The following TMX3 variants were observed in gnomAD, a reference collection of about 807,000 sequenced individuals.
The protein encoded by TMX3 is thioredoxin related transmembrane protein 3.
Under a neutral mutation model 64.4 loss-of-function variants are expected in TMX3, and 40 were observed. The ratio of observed to expected loss-of-function variants is 0.62; its 90% CI spans 0.48 to 0.81. TMX3 has a LOEUF of 0.81. Among genes scored for constraint, TMX3 ranks in the 30% least tolerant of loss-of-function variants. TMX3 has a pLI of 0.00. For missense variants in TMX3, 497 were observed against 534.5 expected, an observed-to-expected ratio of 0.93 and a Z score of 0.69; for synonymous variants, 189 against 175.7, an observed-to-expected ratio of 1.08 and a Z score of -0.60.
intron 3 of TMX3, among the ~76,000 whole-genome samples, chr18:68,710,811 A>G (rs1164055110): frequency 6.6e-6 from 1 of 152,226 alleles, no homozygotes; most frequent in Non-Finnish European, 1.5e-5. Context: ...GAAAAGGAGA[A>G]ATAATTAAAC....
chr18:68,678,854 A>C (rs1285467533), intron 15 of TMX3, among the ~76,000 whole-genome samples: 1 of 152,086 alleles, frequency 6.6e-6, no homozygotes, highest in Non-Finnish European at 1.5e-5. Context: ...CACTGTTAGA[A>C]AGGATTTGAT....
At chr18:68,696,010 C>T (rs918154544) in intron 8 of TMX3, among the ~76,000 whole-genome samples, 41 of 152,200 alleles carry the variant, frequency 2.7e-4, no homozygotes, top group African/African-American at 9.4e-4. Flanking sequence ...TCGTTTCTGG[C>T]GTATTGTATC....
At chr18:68,697,870 T>C (rs777716806) in intron 7 of TMX3, 62 bp downstream of exon 7, 9 of 1,070,482 alleles carry the variant, frequency 8.4e-6, no homozygotes, top group East Asian at 2.5e-5. Context: ...TAGTGAAGTC[T>C]TGATTATAGA....
At chr18:68,698,219 T>C (rs1915306845) in intron 6 of TMX3, among the ~76,000 whole-genome samples, 188 bp from the exon 7 acceptor site, 1 of 152,188 alleles carries the variant, frequency 6.6e-6, no homozygotes, top group Non-Finnish European at 1.5e-5. Flanking sequence ...TGCACATACA[T>C]AAAAGGTTAA....
chr18:68,701,005 G>A (rs2030005985), intron 5 of TMX3: 2 of 985,006 alleles, frequency 2.0e-6, no homozygotes, highest in Non-Finnish European at 1.2e-6. Context: ...TAATCTGTGT[G>A]CCTAATTAAC....
intron 15 of TMX3, among the ~76,000 whole-genome samples, chr18:68,678,631 T>TA (rs1447462093): frequency 1.3e-5 from 2 of 151,964 alleles, no homozygotes; most frequent in African/African-American, 4.8e-5. Flanking sequence ...ATTAGTTTGA[T>TA]AGAGTGAAAG....
At position 68,676,697 on chromosome 18, in the gene TMX3, C is replaced by T. The variant is rs1370669477; in HGVS notation, c.*236G>A. ...AAATAGAATTGTTCTGTTCTAATCA[C>T]AAAGATCAGGTAAATTTTGATGGAG... On this transcript the variant is annotated 3_prime_UTR_variant, in exon 16 of 16. Transcript: ENST00000299608. The T allele has an allele frequency of 5.7e-6, 3 of 530,542 alleles. No homozygotes were observed. Among genetic ancestry groups the T allele is most frequent in the Non-Finnish European group, 1.0e-5 (3 of 301,122 alleles). 32.9% of individuals were successfully genotyped at this position (530,542 alleles called of 1,614,324 possible). A position where few individuals can be genotyped will look rare whatever the true frequency, so the allele number is the denominator to read the frequency against.
At chr18:68,684,789 T>C (rs903861119) in intron 10 of TMX3, among the ~76,000 whole-genome samples, 7 of 152,202 alleles carry the variant, frequency 4.6e-5, no homozygotes, top group African/African-American at 1.7e-4. Flanking sequence ...GCTTGAATTG[T>C]ATTTTTTCCT....
chr18:68,714,950 C>T lies in TMX3; in HGVS notation c.32G>A (p.Arg11Gln). MAAWKSWTAL[R>Q]LCATVVVLDM... is the part of the protein sequence containing the mutation. ...GCCCCCATTACCTGTGGCGCAGAGCCGCAGGGCCGTCCAACTCTTCCACGC... is the reference window on the plus strand; with the variant it reads ...GCCCCCATTACCTGTGGCGCAGAGCTGCAGGGCCGTCCAACTCTTCCACGC... Residue 11 changes from arginine (R) to glutamine (Q), a missense_variant, in exon 1 of 16, where the codon CGG becomes CAG. By Grantham distance (43) the Arg-to-Gln change is conservative (BLOSUM62 1). Around this residue, in one of 3 missense-constraint regions of TMX3, gnomAD observed 360 missense variants for 383.5 expected, o/e 0.94. Transcript: ENST00000299608. The T allele has an allele frequency of 6.4e-7, 1 of 1,570,732 alleles. No individual in the cohort carries two copies. Among genetic ancestry groups the T allele is most frequent in the Non-Finnish European group, 8.6e-7 (1 of 1,158,774 alleles).
Position 68,713,832 on chromosome 18 carries a change from A to G in TMX3, c.101+14T>C. On this transcript the variant is annotated intron_variant, in intron 2 of 15. Transcript: ENST00000299608. ...AGTTAAAATAATATTTTAAATATATATATGTATACTCACGATTCATCTAAA... is the reference window on the plus strand; with the variant it reads ...AGTTAAAATAATATTTTAAATATATGTATGTATACTCACGATTCATCTAAA... The G allele has an allele frequency of 7.6e-7, 1 of 1,314,910 alleles. No homozygotes were observed. The highest frequency in any genetic ancestry group is 1.4e-5 in the South Asian group (1 of 70,440). 81.5% of individuals were successfully genotyped at this position (1,314,910 alleles called of 1,614,324 possible). A position where few individuals can be genotyped will look rare whatever the true frequency, so the allele number is the denominator to read the frequency against.
chr18:68,712,483 A>T lies in TMX3; in HGVS notation c.102-1080T>A, dbSNP rs905111804. On this transcript the variant is annotated intron_variant, in intron 2 of 15. Coordinates refer to ENST00000299608, the MANE Select transcript of TMX3 (RefSeq NM_019022.5). ...GTGGATCCCGGAGGCAACTGGTTGCACATCTGCTTGCTCTGGAGCAAGGAA... is the reference window on the plus strand; with the variant it reads ...GTGGATCCCGGAGGCAACTGGTTGCTCATCTGCTTGCTCTGGAGCAAGGAA... 2.6e-5 allele frequency among the ~76,000 whole-genome samples: 4 copies of T among 152,290 alleles called. No homozygotes were observed. The East Asian group carries it at 5.8e-4, about 22-fold the overall frequency.
chr18:68,684,533 A>G (rs1296182102), intron 10 of TMX3, 48 bp from the exon 11 acceptor site: 1 of 1,503,308 alleles, frequency 6.7e-7, no homozygotes, highest in Non-Finnish European at 9.2e-7. Flanking sequence ...TTATTACACA[A>G]ACTGTTCAAT....
intron 4 of TMX3, chr18:68,706,427 T>C (rs986050872): frequency 1.3e-4 from 19 of 151,318 alleles, no homozygotes; most frequent in Non-Finnish European, 1.6e-4. Context: ...AATAAAGAAA[T>C]AAAGAAATAA....
Position 68,713,920 on chromosome 18 carries a change from T to C in TMX3, c.47-20A>G, listed in dbSNP as rs772726922. The C allele has an allele frequency of 2.3e-5, 35 of 1,530,358 alleles. No homozygotes were observed. The highest frequency in any genetic ancestry group is 3.0e-5 in the Non-Finnish European group (34 of 1,119,592). 94.8% of individuals were successfully genotyped at this position (1,530,358 alleles called of 1,614,324 possible). On this transcript the variant is annotated intron_variant, in intron 1 of 15. Coordinates refer to ENST00000299608, the MANE Select transcript of TMX3 (RefSeq NM_019022.5). ...CAACAACTGAAAAAAAAAGACAAAA[T>C]GTACACAATAAATGCTGATTATTTG... is the stretch of plus-strand genomic sequence containing the variant.
chr18:68,701,708 T>C, intron 5 of TMX3, 37 bp downstream of exon 5: 12 of 1,610,282 alleles, frequency 7.5e-6, no homozygotes, highest in Non-Finnish European at 1.0e-5. Context: ...AGTGAACTAA[T>C]AAAAATACAC....
At position 68,677,120 on chromosome 18, in the gene TMX3, C is replaced by A; in HGVS notation, c.1178G>T (p.Cys393Phe). ...GLPLGVISIMCYGIYTADTDG... is the reference protein window; with the variant it reads ...GLPLGVISIMFYGIYTADTDG... ...TGTGTCGGCTGTGTAGATTCCATAG[C>A]ACATGATACTGATGACACCCAGTGG... The change falls in exon 16 of 16, where the codon TGC (cysteine) becomes TTC (phenylalanine). Residue 393 changes from cysteine (C) to phenylalanine (F), a missense_variant. Around this residue, in one of 3 missense-constraint regions of TMX3, gnomAD observed 94 missense variants for 75.8 expected, o/e 1.24. Coordinates refer to ENST00000299608, the MANE Select transcript of TMX3 (RefSeq NM_019022.5). 1 of 1,613,200 alleles carries A rather than the reference C, an allele frequency of 6.2e-7. No individual in the cohort carries two copies. The highest frequency in any genetic ancestry group is 8.5e-7 in the Non-Finnish European group (1 of 1,179,582).
At chr18:68,687,886 T>G in intron 9 of TMX3, 121 bp from the exon 10 acceptor site, 2 of 608,216 alleles carry the variant, frequency 3.3e-6, no homozygotes, top group Non-Finnish European at 5.2e-6. Context: ...ATAAATATTG[T>G]TTTTAGGAAT....
chr18:68,700,698 C>A, intron 5 of TMX3: 2 of 962,932 alleles, frequency 2.1e-6, no homozygotes, highest in Non-Finnish European at 2.5e-6. Context: ...ATTAAAATTA[C>A]ATGAAAATAT....
At chr18:68,686,602 G>C in intron 10 of TMX3, 1 of 354,958 alleles carries the variant, frequency 2.8e-6, no homozygotes, top group Non-Finnish European at 3.9e-6. Flanking sequence ...AGCTACTTGG[G>C]AGGCTGAGGC....
Sources: gnomAD v4.1 joint callset for allele counts (sites outside exome capture counted in the v4.1 genomes callset) on GRCh38, gnomAD v4.1.1 for gene constraint, gnomAD v4.1.1 regional missense constraint, MANE v1.5 for transcripts, NCBI Gene and HGNC (gene_info 2026-07-23, HGNC 2026-07-21) for gene names.